Variants in CAMTA1 observed in about 807,000 individuals in gnomAD.
CAMTA1 encodes calmodulin-binding transcription activator 1.
A neutral mutation model predicts 170.9 loss-of-function variants in CAMTA1; 27 were observed. The observed-to-expected ratio is 0.16, with a 90% confidence interval of 0.12 to 0.22. The LOEUF is 0.22. Ranked by LOEUF, CAMTA1 falls within the 10% of genes least tolerant of loss-of-function variation. The pLI is 1.00. For synonymous variants in CAMTA1, 833 were observed against 891.5 expected (o/e 0.93, Z 1.17); for missense variants, 1,619 against 2,217.2 (o/e 0.73, Z 5.42).
intron 5 of CAMTA1, among the ~76,000 whole-genome samples, chr1:7,340,553 C>CCTCCCT (rs2083735950): frequency 1.7e-5 from 1 of 59,228 alleles, no homozygotes; most frequent in Non-Finnish European, 4.9e-5. Flanking sequence ...TGCCTGCCTG[C>CCTCCCT]CTCCCTCCCT....
intron 3 of CAMTA1, among the ~76,000 whole-genome samples, chr1:7,005,172 CT>C (rs1294077760): frequency 6.6e-6 from 1 of 152,240 alleles, no homozygotes; most frequent in African/African-American, 2.4e-5. Flanking sequence ...CCAACTGTGA[CT>C]ATTTGCCACA....
rs531772863 is a variant in CAMTA1 at position 7,222,285 on chromosome 1, C to CG, written c.303-27205dup. Among the ~76,000 whole-genome samples the CG allele has an allele frequency of 9.0e-4, 137 of 152,284 alleles. 1 individual carries two copies. The highest frequency in any genetic ancestry group is 5.4e-3 in the South Asian group (26 of 4,808). On this transcript the variant is annotated intron_variant, in intron 4 of 22. Transcript: ENST00000303635. Reference sequence around the variant, plus strand: ...TGTGCTCGTCTGGGTGATGAGACATCGCCCGGGCTGGTTCCATGAGCACCT... The same window carrying CG: ...TGTGCTCGTCTGGGTGATGAGACATCGGCCCGGGCTGGTTCCATGAGCACCT...
intron 6 of CAMTA1, among the ~76,000 whole-genome samples, chr1:7,577,959 C>A (rs887581048): frequency 6.6e-6 from 1 of 152,202 alleles, no homozygotes; most frequent in Non-Finnish European, 1.5e-5. Flanking sequence ...TGCTGCCCCA[C>A]AAAAACAGGA....
Position 6,934,695 on chromosome 1 carries a change from T to C in CAMTA1, c.234+109485T>C, listed in dbSNP as rs1571851226. Among the ~76,000 whole-genome samples the C allele has an allele frequency of 1.4e-5, 2 of 148,022 alleles. No individual in the cohort carries two copies. Among genetic ancestry groups the C allele is most frequent in the African/African-American group, 4.9e-5 (2 of 40,406 alleles). ...CTTCACCACCACCCCCTCCCCTCTC[T>C]CCCCTCTTATGCCCGCACCATGGCT... On this transcript the variant is annotated intron_variant, in intron 3 of 22. Coordinates refer to ENST00000303635, the MANE Select transcript of CAMTA1 (RefSeq NM_015215.4). The surrounding 1 kb of genome is among the most constrained non-coding windows in gnomAD (Gnocchi z 4.5).
intron 3 of CAMTA1, among the ~76,000 whole-genome samples, chr1:7,031,090 A>G (rs1352305989): frequency 7.2e-6 from 1 of 139,204 alleles, no homozygotes; most frequent in Admixed American, 7.9e-5. Flanking sequence ...CTCGTGATCC[A>G]CCTGCCTTGG....
chr1:7,560,631 G>A lies in CAMTA1; in HGVS notation c.511-79769G>A, dbSNP rs2150252744. Among the ~76,000 whole-genome samples, 2 of 152,324 alleles carry A rather than the reference G, an allele frequency of 1.3e-5. 1 individual carries two copies. The highest frequency in any genetic ancestry group is 4.1e-4 in the South Asian group (2 of 4,828). ...AGGGCTGGCTGTACCACACGGGCCA[G>A]GGGAGTATGCTGTGATGGATTGTGT... On this transcript the variant is annotated intron_variant, in intron 6 of 22. Coordinates refer to ENST00000303635, the MANE Select transcript of CAMTA1 (RefSeq NM_015215.4).
chr1:7,061,524 G>A (rs1449889445), intron 3 of CAMTA1, among the ~76,000 whole-genome samples: 1 of 140,500 alleles, frequency 7.1e-6, no homozygotes, highest in Non-Finnish European at 1.5e-5. Flanking sequence ...AGAGGGGCTC[G>A]GTTGAGTACC....
chr1:6,921,037 A>C (rs1268002851), intron 3 of CAMTA1, among the ~76,000 whole-genome samples: 1 of 152,188 alleles, frequency 6.6e-6, no homozygotes, highest in African/African-American at 2.4e-5. Flanking sequence ...GCAGGCTTGA[A>C]TTTCTCCTCA....
chr1:7,403,378 C>G (rs2090052603), intron 5 of CAMTA1, among the ~76,000 whole-genome samples: 1 of 151,954 alleles, frequency 6.6e-6, no homozygotes, highest in South Asian at 2.1e-4. Flanking sequence ...GATATTAATC[C>G]CCAAGCAGCT....
intron 1 of CAMTA1, among the ~76,000 whole-genome samples, chr1:6,789,729 TA>T (rs1487078039): frequency 6.6e-6 from 1 of 151,610 alleles, no homozygotes; most frequent in Non-Finnish European, 1.5e-5. Flanking sequence ...CAAGGAGCTG[TA>T]GGGGGTGATG....
At chr1:7,473,842 C>T (rs901699737) in intron 6 of CAMTA1, among the ~76,000 whole-genome samples, 6 of 152,248 alleles carry the variant, frequency 3.9e-5, no homozygotes, top group Admixed American at 1.3e-4. Context: ...CCACTGACGC[C>T]GGAACCTGGC....
At chr1:7,524,046 A>G (rs2094401047) in intron 6 of CAMTA1, among the ~76,000 whole-genome samples, 1 of 151,612 alleles carries the variant, frequency 6.6e-6, no homozygotes, top group African/African-American at 2.4e-5. Flanking sequence ...TACTAATAAT[A>G]CAAAAATTAG....
At chr1:7,318,231 G>A (rs111973033) in intron 5 of CAMTA1, among the ~76,000 whole-genome samples, 20 of 63,956 alleles carry the variant, frequency 3.1e-4, no homozygotes, top group African/African-American at 9.3e-4. Context: ...ACACAGGGAG[G>A]CACTGAGCAG....
intron 4 of CAMTA1, among the ~76,000 whole-genome samples, chr1:7,143,390 C>G (rs1645999266): frequency 1.3e-5 from 2 of 152,318 alleles, no homozygotes; most frequent in South Asian, 2.1e-4. Flanking sequence ...TTGGAATGTT[C>G]CAGAGTCAAT....
At chr1:7,305,699 T>C (rs1010131820) in intron 5 of CAMTA1, among the ~76,000 whole-genome samples, 7 of 149,546 alleles carry the variant, frequency 4.7e-5, no homozygotes, top group African/African-American at 1.7e-4. Flanking sequence ...TATTTATATA[T>C]AGGTTTTCAT....
chr1:7,363,774 C>T (rs2085752151), intron 5 of CAMTA1, among the ~76,000 whole-genome samples: 1 of 152,124 alleles, frequency 6.6e-6, no homozygotes, highest in Non-Finnish European at 1.5e-5. Context: ...TGGAGTGTGG[C>T]AGCGCTGTGG....
At chr1:7,142,247 C>A (rs1194576949) in intron 4 of CAMTA1, 1 of 474,328 alleles carries the variant, frequency 2.1e-6, no homozygotes, top group African/African-American at 2.0e-5. Context: ...TTTCCAGCAG[C>A]CTCTCTGCTT....
At chr1:6,855,406 C>A (rs1306508034) in intron 3 of CAMTA1, among the ~76,000 whole-genome samples, 2 of 151,564 alleles carry the variant, frequency 1.3e-5, no homozygotes, top group African/African-American at 2.4e-5. Context: ...AGGAAACTTA[C>A]AATCATGGCA....
chr1:7,328,238 T>A (rs1010858088), intron 5 of CAMTA1, among the ~76,000 whole-genome samples: 5 of 152,214 alleles, frequency 3.3e-5, no homozygotes, highest in Non-Finnish European at 7.3e-5. Context: ...GGCTCACACC[T>A]GTAATCCCAG....
Sources: allele counts gnomAD v4.1 joint callset (sites outside exome capture counted in the v4.1 genomes callset), GRCh38; gene constraint gnomAD v4.1.1; non-coding constraint Gnocchi (gnomAD v3.1); transcripts MANE v1.5; gene names NCBI Gene and HGNC (gene_info 2026-07-23, HGNC 2026-07-21).